BAZ2B: variants seen among roughly 807,000 people sequenced by gnomAD.
BAZ2B encodes bromodomain adjacent to zinc finger domain 2B.
Under a neutral mutation model 246.0 loss-of-function variants are expected in BAZ2B, and 91 were observed. That is an observed-to-expected ratio of 0.37 (90% CI 0.31 to 0.44). The LOEUF is 0.44. Among genes scored for constraint, BAZ2B ranks in the 20% least tolerant of loss-of-function variants. The pLI is 1.00. For synonymous variants in BAZ2B, 855 were observed against 860.0 expected (o/e 0.99, Z 0.10); for missense variants, 2,332 against 2,533.7 (o/e 0.92, Z 1.71).
chr2:159,327,180 T>G (rs763392534), intron 34 of BAZ2B, among the ~76,000 whole-genome samples: 1 of 151,772 alleles, frequency 6.6e-6, no homozygotes, highest in Non-Finnish European at 1.5e-5. Context: ...GCCACCCGAG[T>G]AGCTGGGGCT....
downstream of BAZ2B, among the ~76,000 whole-genome samples, chr2:159,318,456 T>C (rs1010886856): frequency 6.6e-5 from 10 of 152,248 alleles, no homozygotes; most frequent in Admixed American, 2.0e-4. Flanking sequence ...AAAACATTTC[T>C]ATATTCTCTC....
In BAZ2B at chr2:159,395,764, C is replaced by G. The variant is rs2063929415; in HGVS notation, c.3075+5G>C. 6.2e-7 allele frequency: 1 copy of G among 1,604,100 alleles called. No individual in the cohort carries two copies. ...GGTAATATTTTTCTAGAAACATACA[C>G]TTACTTCTGCTTTTTTACGAGCTTC... On this transcript the variant is annotated splice_donor_5th_base_variant and intron_variant, in intron 20 of 36. Transcript: ENST00000392783.
At chr2:159,696,987 T>C in the BAZ2B span, among the ~76,000 whole-genome samples, 2 of 152,108 alleles carry the variant, frequency 1.3e-5, no homozygotes, top group African/African-American at 4.8e-5. Flanking sequence ...GATTTCACCA[T>C]ATTGGTCATG....
At chr2:159,406,764 C>CTT (rs1376089908) in intron 14 of BAZ2B, among the ~76,000 whole-genome samples, 2 of 150,848 alleles carry the variant, frequency 1.3e-5, no homozygotes, top group African/African-American at 4.9e-5. Context: ...TCTTTCTTTT[C>CTT]TTTTTTTTTG....
chr2:159,598,335 T>C (rs1162924810), intron 1 of BAZ2B, among the ~76,000 whole-genome samples: 1 of 152,168 alleles, frequency 6.6e-6, no homozygotes, highest in Non-Finnish European at 1.5e-5. Flanking sequence ...CTGGAAAGAA[T>C]TGGGTTTACT....
intron 1 of BAZ2B, among the ~76,000 whole-genome samples, chr2:159,568,702 T>C (rs1283628290): frequency 1.3e-5 from 2 of 152,184 alleles, no homozygotes; most frequent in Non-Finnish European, 2.9e-5. Context: ...TTTAAAGTTA[T>C]GGGAATAGAA....
At chr2:159,391,292 C>T (rs915631624) in intron 20 of BAZ2B, among the ~76,000 whole-genome samples, 5 of 152,124 alleles carry the variant, frequency 3.3e-5, no homozygotes, top group Non-Finnish European at 5.9e-5. Context: ...AGTGTCTATG[C>T]CATATAGCCC....
intron 13 of BAZ2B, among the ~76,000 whole-genome samples, chr2:159,422,018 T>C (rs543201138): frequency 6.0e-4 from 91 of 152,210 alleles, no homozygotes; most frequent in Middle Eastern, 3.4e-3. Context: ...ATAAAATACC[T>C]AGGAATATAG....
intron 2 of BAZ2B, among the ~76,000 whole-genome samples, chr2:159,509,543 T>C (rs1305555849): frequency 6.6e-6 from 1 of 152,202 alleles, no homozygotes. Flanking sequence ...CCAGTATTCA[T>C]TCAGCCTAAT....
intron 13 of BAZ2B, among the ~76,000 whole-genome samples, chr2:159,425,479 C>T (rs1248774998): frequency 1.3e-5 from 2 of 152,180 alleles, no homozygotes; most frequent in African/African-American, 4.8e-5. Context: ...CAATGCCCGG[C>T]CTGTTTTTCA....
upstream of BAZ2B, among the ~76,000 whole-genome samples, chr2:159,621,224 A>T (rs1346477786): frequency 6.6e-6 from 1 of 152,210 alleles, no homozygotes; most frequent in Non-Finnish European, 1.5e-5. Context: ...TATCAGAATC[A>T]ACTGTAGAGA....
At chr2:159,601,752 T>C (rs1288929267) in intron 1 of BAZ2B, among the ~76,000 whole-genome samples, 2 of 152,042 alleles carry the variant, frequency 1.3e-5, no homozygotes, top group Non-Finnish European at 2.9e-5. Flanking sequence ...AATAGATGCA[T>C]GCTTGCTTAA....
At chr2:159,356,664 C>A (rs2059144749) in intron 27 of BAZ2B, among the ~76,000 whole-genome samples, 1 of 152,196 alleles carries the variant, frequency 6.6e-6, no homozygotes, top group Non-Finnish European at 1.5e-5. Flanking sequence ...GTCCCTGACC[C>A]CCGTGCCTCC....
intron 31 of BAZ2B, among the ~76,000 whole-genome samples, chr2:159,344,178 G>C (rs2067309987): frequency 6.6e-6 from 1 of 152,034 alleles, no homozygotes; most frequent in East Asian, 1.9e-4. Context: ...TACAAATAGA[G>C]CTATCATATG....
chr2:159,576,937 A>AAAGTT (rs1559817821), intron 1 of BAZ2B, among the ~76,000 whole-genome samples: 1 of 133,054 alleles, frequency 7.5e-6, no homozygotes, highest in African/African-American at 2.8e-5. Flanking sequence ...AAAAAAAAGG[A>AAAGTT]AAGTGTGGCC....
the BAZ2B span, among the ~76,000 whole-genome samples, chr2:159,624,121 T>A: frequency 6.6e-6 from 1 of 152,222 alleles, no homozygotes. Context: ...CAGCAAGGCC[T>A]CTGTGGCCAG....
intron 2 of BAZ2B, among the ~76,000 whole-genome samples, chr2:159,495,618 T>C (rs901626859): frequency 5.3e-5 from 8 of 151,638 alleles, no homozygotes; most frequent in African/African-American, 1.9e-4. Flanking sequence ...TAGGACATTA[T>C]ATAATTTTAA....
chr2:159,415,282 T>G (rs1254129976), intron 13 of BAZ2B, among the ~76,000 whole-genome samples: 1 of 151,716 alleles, frequency 6.6e-6, no homozygotes, highest in Non-Finnish European at 1.5e-5. Context: ...CCGTCTCTAC[T>G]AAAAATACAA....
chr2:159,687,615 T>C, the BAZ2B span, among the ~76,000 whole-genome samples: 2 of 152,254 alleles, frequency 1.3e-5, no homozygotes, highest in African/African-American at 4.8e-5. Context: ...TCACCCTATA[T>C]GCCTCTTTAT....
Sources: gnomAD v4.1 joint callset for allele counts (sites outside exome capture counted in the v4.1 genomes callset) on GRCh38, gnomAD v4.1.1 for gene constraint, MANE v1.5 for transcripts, NCBI Gene and HGNC (gene_info 2026-07-23, HGNC 2026-07-21) for gene names.